TP53BP1: variants seen among roughly 807,000 people sequenced by gnomAD.
TP53BP1 encodes tumor protein p53 binding protein 1.
TP53BP1 carries 61 observed loss-of-function variants against 200.8 expected under a neutral mutation model. The ratio of observed to expected loss-of-function variants is 0.30; its 90% CI spans 0.25 to 0.38. The LOEUF is 0.38. Among genes scored for constraint, TP53BP1 ranks in the 10% least tolerant of loss-of-function variants. TP53BP1 has a pLI of 1.00. For missense variants in TP53BP1, 2,144 were observed against 2,371.9 expected, an observed-to-expected ratio of 0.90 and a Z score of 2.00; for synonymous variants, 822 against 844.3, an observed-to-expected ratio of 0.97 and a Z score of 0.46.
intron 8 of TP53BP1, among the ~76,000 whole-genome samples, chr15:43,476,156 T>C (rs1222740632): frequency 2.0e-5 from 3 of 152,078 alleles, no homozygotes. Context: ...TCCCAGCTAC[T>C]TGGAAGGCTA....
intron 4 of TP53BP1, among the ~76,000 whole-genome samples, chr15:43,482,704 GT>G (rs1490952074): frequency 2.0e-5 from 3 of 151,992 alleles, no homozygotes; most frequent in Admixed American, 6.5e-5. Context: ...GGAATCGGAG[GT>G]TGCAGTGAGC....
chr15:43,505,844 T>C (rs1032427011), intron 1 of TP53BP1, among the ~76,000 whole-genome samples: 26 of 152,216 alleles, frequency 1.7e-4, no homozygotes, highest in African/African-American at 6.3e-4. Flanking sequence ...TGCATTATGA[T>C]CATAGTATTT....
At position 43,407,479 on chromosome 15, in the gene TP53BP1, C is replaced by A; in HGVS notation, c.5838G>T (p.Val1946=). ...LKCAEALQLP[V]VSQEWVIQCL... Reference sequence around the variant, plus strand: ...ACTGGATCACCCACTCTTGTGACACCACAGGCAGCTGCAATGCTTCAGCAC... The same window carrying A: ...ACTGGATCACCCACTCTTGTGACACAACAGGCAGCTGCAATGCTTCAGCAC... The change falls in exon 28 of 28, where the codon GTG becomes GTT. Residue 1946 remains valine, a synonymous_variant. Coordinates refer to ENST00000382044, the MANE Select transcript of TP53BP1 (RefSeq NM_001141980.3). 6.2e-7 allele frequency: 1 copy of A among 1,614,170 alleles called. No individual in the cohort carries two copies. Among genetic ancestry groups the A allele is most frequent in the Non-Finnish European group, 8.5e-7 (1 of 1,180,018 alleles).
In TP53BP1 at chr15:43,442,040, C is replaced by T. The variant is rs972163921; in HGVS notation, c.3041-457G>A. 2.6e-5 allele frequency among the ~76,000 whole-genome samples: 4 copies of T among 151,078 alleles called. No individual in the cohort carries two copies. The East Asian group carries it at 5.8e-4, about 22-fold the overall frequency. On this transcript the variant is annotated intron_variant, in intron 14 of 27. Transcript: ENST00000382044. ...TTTGTTTGTTTTGAGACAACAGTCTCGCTCTGTCACCCAGGCTGCAGTGCA... is the reference window on the plus strand; with the variant it reads ...TTTGTTTGTTTTGAGACAACAGTCTTGCTCTGTCACCCAGGCTGCAGTGCA...
At position 43,456,767 on chromosome 15, in the gene TP53BP1, T is replaced by C. The variant is rs754536474; in HGVS notation, c.1841A>G (p.Glu614Gly). ...ILATGCKGRE[E>G]TVAEDVCIDL... The stretch of plus-strand genomic sequence containing the variant: ...AATACAAACATCTTCTGCTACCGTT[T>C]CTTCTCTGCCCTTGCAACCAGTGGC... Residue 614 changes from glutamate to glycine, a missense_variant, in exon 12 of 28, where the codon GAA becomes GGA. By Grantham distance (98) the Glu-to-Gly change is moderately conservative. Coordinates refer to ENST00000382044, the MANE Select transcript of TP53BP1 (RefSeq NM_001141980.3). 3 of 1,614,100 alleles carry C rather than the reference T, an allele frequency of 1.9e-6. No homozygotes were observed. The highest frequency in any genetic ancestry group is 1.7e-6 in the Non-Finnish European group (2 of 1,180,040).
rs572305586 is a variant in TP53BP1, at chr15:43,459,713, C to G, written c.1390-2495G>C. Among the ~76,000 whole-genome samples, 72 of 151,008 alleles carry G rather than the reference C, an allele frequency of 4.8e-4. 1 individual carries two copies. The South Asian group carries it at 0.014, about 29-fold the overall frequency. Reference sequence around the variant, plus strand: ...AAGGCTTCACTCTGTTGCCTAGGCTCTGGAGTGCAGTGGTGAGATCACAGC... The same window carrying G: ...AAGGCTTCACTCTGTTGCCTAGGCTGTGGAGTGCAGTGGTGAGATCACAGC... On this transcript the variant is annotated intron_variant, in intron 11 of 27. Transcript: ENST00000382044.
In TP53BP1 at chr15:43,480,917, A is replaced by G. The variant is rs144979255; in HGVS notation, c.477T>C (p.Thr159=). The change falls in exon 5 of 28, where the codon ACT becomes ACC. Residue 159 remains threonine, a synonymous_variant. Transcript: ENST00000382044. ...KEKEEDTSGN[T]THSLGAEDTA... ...TACCTTCAGCACCAAGGGAATGTGT[A>G]GTATTGCCTGAAGTATCTTCTTCCT... The G allele has an allele frequency of 6.2e-7, 1 of 1,614,150 alleles. No individual in the cohort carries two copies. The highest frequency in any genetic ancestry group is 8.5e-7 in the Non-Finnish European group (1 of 1,179,996).
chr15:43,410,258 T>C (rs1193830866), intron 24 of TP53BP1, among the ~76,000 whole-genome samples: 2 of 152,218 alleles, frequency 1.3e-5, no homozygotes, highest in African/African-American at 4.8e-5. Flanking sequence ...ACTAAAACTT[T>C]AATAAACCAG....
intron 24 of TP53BP1, among the ~76,000 whole-genome samples, chr15:43,409,981 G>C (rs1400004604): frequency 6.6e-6 from 1 of 152,152 alleles, no homozygotes; most frequent in African/African-American, 2.4e-5. Flanking sequence ...GTAGGTCCTA[G>C]ACCTAAAAAC....
intron 18 of TP53BP1, among the ~76,000 whole-genome samples, chr15:43,425,069 G>A (rs977419599): frequency 2.6e-5 from 4 of 152,050 alleles, no homozygotes; most frequent in South Asian, 2.1e-4. Context: ...GTGTTGCCTC[G>A]GGACTCTTCA....
chr15:43,444,438 T>G (rs1290393227), intron 14 of TP53BP1, among the ~76,000 whole-genome samples: 1 of 152,166 alleles, frequency 6.6e-6, no homozygotes, highest in East Asian at 1.9e-4. Flanking sequence ...CCGGAAAAGA[T>G]GATAGTAAGG....
chr15:43,431,098 T>C (rs1376175399), intron 17 of TP53BP1, among the ~76,000 whole-genome samples: 2 of 152,136 alleles, frequency 1.3e-5, no homozygotes, highest in East Asian at 1.9e-4. Context: ...ATATAGCATA[T>C]GGATATGCTA....
intron 12 of TP53BP1, among the ~76,000 whole-genome samples, chr15:43,450,900 G>A (rs1447083642): frequency 6.6e-6 from 1 of 151,964 alleles, no homozygotes; most frequent in African/African-American, 2.4e-5. Flanking sequence ...TTTGAGACAG[G>A]GTCTCGCCCT....
intron 15 of TP53BP1, 114 bp downstream of exon 15, chr15:43,441,412 A>G (rs957050535): frequency 1.3e-6 from 1 of 754,188 alleles, no homozygotes; most frequent in Non-Finnish European, 2.4e-6. Context: ...ATCCTTTATG[A>G]AAGAGTCTCA....
intron 1 of TP53BP1, among the ~76,000 whole-genome samples, chr15:43,492,798 C>T (rs1427745423): frequency 6.7e-6 from 1 of 150,048 alleles, no homozygotes; most frequent in African/African-American, 2.5e-5. Flanking sequence ...CCTCTACCTC[C>T]CCCCAAAAGA....
At chr15:43,464,629 C>T (rs937690712) in intron 11 of TP53BP1, among the ~76,000 whole-genome samples, 3 of 152,098 alleles carry the variant, frequency 2.0e-5, no homozygotes, top group Admixed American at 6.6e-5. Flanking sequence ...GAAGGCCAGG[C>T]GTGGTGGCTC....
At position 43,404,732 on chromosome 15, in the gene TP53BP1, A is replaced by G. The variant is rs777730177; in HGVS notation, c.*2651T>C. On this transcript the variant is annotated 3_prime_UTR_variant, in exon 28 of 28. Transcript: ENST00000382044. ...TGGAGGTTATTTTCTAGTAGAAGTC[A>G]TCATCATCATAAAATACTAAAAAAC... 4 of 662,168 alleles carry G rather than the reference A, an allele frequency of 6.0e-6. No homozygotes were observed. Among genetic ancestry groups the G allele is most frequent in the Non-Finnish European group, 7.4e-6 (3 of 407,676 alleles). The allele number at this position is 662,168 out of a possible 1,614,324, so 41.0% of individuals were successfully genotyped here. A position where few individuals can be genotyped will look rare whatever the true frequency, so the allele number is the denominator to read the frequency against.
intron 15 of TP53BP1, among the ~76,000 whole-genome samples, chr15:43,439,451 G>A (rs1049199837): frequency 6.6e-6 from 1 of 152,140 alleles, no homozygotes; most frequent in Non-Finnish European, 1.5e-5. Flanking sequence ...CAGGAGGATC[G>A]CTTGAGCCTG....
chr15:43,408,685 T>G lies in TP53BP1; in HGVS notation c.5600+212A>C, dbSNP rs1001595343. 11 of 567,766 alleles carry G rather than the reference T, an allele frequency of 1.9e-5. No individual in the cohort carries two copies. The African/African-American group carries it at 2.1e-4, about 11-fold the overall frequency. The allele number at this position is 567,766 out of a possible 1,614,324, so 35.2% of individuals were successfully genotyped here. On this transcript the variant is annotated intron_variant, in intron 26 of 27. Coordinates refer to ENST00000382044, the MANE Select transcript of TP53BP1 (RefSeq NM_001141980.3). ...ACAGGTTGAGAATATTGAACCTATA[T>G]ACAAATCTTCACACATTTGCAAAAG...
Sources: gnomAD v4.1 joint callset for allele counts (sites outside exome capture counted in the v4.1 genomes callset) on GRCh38, gnomAD v4.1.1 for gene constraint, MANE v1.5 for transcripts, NCBI Gene and HGNC (gene_info 2026-07-23, HGNC 2026-07-21) for gene names.